ADAMTSL1: variants seen among roughly 807,000 people sequenced by gnomAD.
ADAMTSL1 encodes the protein ADAMTS like 1, also known as ADAMTS-like protein 1.
In ADAMTSL1, 126 loss-of-function variants were observed where a neutral mutation model predicts 201.8. The ratio of observed to expected loss-of-function variants is 0.62; its 90% CI spans 0.54 to 0.72. The LOEUF (loss-of-function observed/expected upper bound fraction) is 0.72, where lower values mean the gene tolerates loss of function less well. Among genes scored for constraint, ADAMTSL1 ranks in the 30% least tolerant of loss-of-function variants. The probability of loss-of-function intolerance (pLI) is 0.00; values close to 1 mark genes in which losing one functional copy is unlikely to be tolerated. For synonymous variants in ADAMTSL1, 1,121 were observed against 903.4 expected (o/e 1.24, Z -4.32); for missense variants, 2,679 against 2,277.8 (o/e 1.18, Z -3.59).
chr9:18,492,101 A>G (rs922731784), intron 1 of ADAMTSL1, among the ~76,000 whole-genome samples: 11 of 152,208 alleles, frequency 7.2e-5, no homozygotes, highest in African/African-American at 2.2e-4. Flanking sequence ...AATATGTAGG[A>G]AAGCATTTTA....
intron 3 of ADAMTSL1, among the ~76,000 whole-genome samples, chr9:18,535,257 T>C (rs1237799568): frequency 2.6e-5 from 4 of 152,206 alleles, no homozygotes; most frequent in Admixed American, 2.6e-4. Flanking sequence ...GCCTCTTTGC[T>C]AAAGCATAAA....
At chr9:18,755,656 G>C (rs1234833800) in intron 16 of ADAMTSL1, among the ~76,000 whole-genome samples, 1 of 152,092 alleles carries the variant, frequency 6.6e-6, no homozygotes, top group Non-Finnish European at 1.5e-5. Flanking sequence ...ACCACCACCT[G>C]TATGCCCAGC....
intron 8 of ADAMTSL1, 146 bp downstream of exon 8, chr9:18,657,896 C>G (rs568576521): frequency 2.3e-5 from 15 of 652,352 alleles, no homozygotes; most frequent in Non-Finnish European, 4.0e-5. Flanking sequence ...AATCTCGAGG[C>G]CCTCCTGTAA....
chr9:18,829,180 C>G (rs371207232), intron 22 of ADAMTSL1, among the ~76,000 whole-genome samples: 1 of 152,146 alleles, frequency 6.6e-6, no homozygotes, highest in South Asian at 2.1e-4. Context: ...TCACTTTTAG[C>G]ATTAACTGGG....
intron 15 of ADAMTSL1, among the ~76,000 whole-genome samples, chr9:18,749,290 C>T (rs1202140840): frequency 6.6e-6 from 1 of 152,146 alleles, no homozygotes; most frequent in South Asian, 2.1e-4. Flanking sequence ...GGGGAAGTCA[C>T]ATTACAAGTA....
chr9:18,023,219 A>T (rs1451892099), intron 1 of ADAMTSL1, among the ~76,000 whole-genome samples: 2 of 152,066 alleles, frequency 1.3e-5, no homozygotes, highest in Non-Finnish European at 2.9e-5. Context: ...CATTAGAATC[A>T]CCTGAAGGGC....
At chr9:18,107,442 C>G (rs1824806932) in intron 1 of ADAMTSL1, among the ~76,000 whole-genome samples, 1 of 152,164 alleles carries the variant, frequency 6.6e-6, no homozygotes, top group African/African-American at 2.4e-5. Flanking sequence ...GGGTAGAAAT[C>G]CACAGTGACA....
intron 2 of ADAMTSL1, among the ~76,000 whole-genome samples, chr9:18,235,383 T>C (rs961330828): frequency 3.9e-5 from 6 of 152,200 alleles, no homozygotes; most frequent in African/African-American, 1.4e-4. Flanking sequence ...CGACTCATCA[T>C]AGATGATGTC....
intron 3 of ADAMTSL1, among the ~76,000 whole-genome samples, chr9:18,550,382 TAGCAAAAGA>T (rs1183470699): frequency 2.6e-5 from 4 of 151,886 alleles, no homozygotes; most frequent in African/African-American, 9.7e-5. Flanking sequence ...GAAATGATTG[TAGCAAAAGA>T]AACCAGAGAT....
chr9:18,231,190 C>T (rs1830634605), intron 2 of ADAMTSL1, among the ~76,000 whole-genome samples: 1 of 152,164 alleles, frequency 6.6e-6, no homozygotes, highest in Admixed American at 6.5e-5. Flanking sequence ...ACCTACTTGT[C>T]TCACTTCTCT....
intron 1 of ADAMTSL1, among the ~76,000 whole-genome samples, chr9:18,004,589 G>T (rs1446023871): frequency 6.6e-6 from 1 of 152,038 alleles, no homozygotes; most frequent in Non-Finnish European, 1.5e-5. Flanking sequence ...CACACCCATA[G>T]CATGACAATT....
At chr9:18,001,055 A>G (rs542317931) in intron 1 of ADAMTSL1, among the ~76,000 whole-genome samples, 143 of 152,126 alleles carry the variant, frequency 9.4e-4, no homozygotes, top group African/African-American at 3.2e-3. Flanking sequence ...TGAAAATGCT[A>G]TTGCCAGGAA....
intron 2 of ADAMTSL1, among the ~76,000 whole-genome samples, chr9:18,427,494 G>A (rs1432572447): frequency 1.3e-5 from 2 of 152,234 alleles, no homozygotes; most frequent in African/African-American, 2.4e-5. Context: ...ATTATAGGAA[G>A]TTGATAAAGC....
At position 18,518,380 on chromosome 9, in the gene ADAMTSL1, T is replaced by A. The variant is rs374512371; in HGVS notation, c.191+13424T>A. 2.6e-5 allele frequency among the ~76,000 whole-genome samples: 4 copies of A among 152,322 alleles called. No homozygotes were observed. The East Asian group carries it at 7.7e-4, about 29-fold the overall frequency. On this transcript the variant is annotated intron_variant, in intron 2 of 28. Coordinates refer to ENST00000380548, the MANE Select transcript of ADAMTSL1 (RefSeq NM_001040272.6). ...TGTGTACGCATTGTTTAGCTCCTGCTTATAGGTGAAAACCTATGGTATTTG... is the reference window on the plus strand; with the variant it reads ...TGTGTACGCATTGTTTAGCTCCTGCATATAGGTGAAAACCTATGGTATTTG...
chr9:18,215,294 T>C (rs1184866825), intron 2 of ADAMTSL1, among the ~76,000 whole-genome samples: 1 of 152,208 alleles, frequency 6.6e-6, no homozygotes, highest in East Asian at 1.9e-4. Context: ...GAAAATAATC[T>C]AACAACTATG....
chr9:18,906,633 T>C (rs749772951), intron 27 of ADAMTSL1, 59 bp from the exon 28 acceptor site: 2 of 1,379,682 alleles, frequency 1.4e-6, no homozygotes, highest in Non-Finnish European at 1.9e-6. Context: ...TATTTTCACA[T>C]CTGCCCTGAT....
intron 1 of ADAMTSL1, among the ~76,000 whole-genome samples, chr9:18,139,351 C>T (rs1826296060): frequency 6.6e-6 from 1 of 152,144 alleles, no homozygotes; most frequent in South Asian, 2.1e-4. Flanking sequence ...TGAAGTAGAA[C>T]CGATGACATT....
At chr9:18,559,597 G>C (rs1441687836) in intron 3 of ADAMTSL1, among the ~76,000 whole-genome samples, 1 of 152,134 alleles carries the variant, frequency 6.6e-6, no homozygotes, top group African/African-American at 2.4e-5. Flanking sequence ...ATAACTTTGG[G>C]CATGATGGCC....
intron 1 of ADAMTSL1, among the ~76,000 whole-genome samples, chr9:17,983,581 A>T (rs1025763569): frequency 1.3e-5 from 2 of 152,148 alleles, no homozygotes; most frequent in Non-Finnish European, 2.9e-5. Flanking sequence ...GTGTTAAGAG[A>T]ATTTGATATT....
Sources: allele counts gnomAD v4.1 joint callset (sites outside exome capture counted in the v4.1 genomes callset), GRCh38; gene constraint gnomAD v4.1.1; transcripts MANE v1.5; gene names NCBI Gene and HGNC (gene_info 2026-07-23, HGNC 2026-07-21).